CPQ: variants seen among roughly 807,000 people sequenced by gnomAD.
CPQ encodes Ser-Met dipeptidase.
CPQ carries 37 observed loss-of-function variants against 45.7 expected under a neutral mutation model. The ratio of observed to expected loss-of-function variants is 0.81; its 90% confidence interval spans 0.62 to 1.07. CPQ has a LOEUF of 1.07. CPQ is among the 50% of genes least tolerant of loss of function. CPQ has a pLI of 0.00. For missense variants in CPQ, 537 were observed against 572.9 expected, an observed-to-expected ratio of 0.94 and a Z score of 0.64; for synonymous variants, 186 against 205.8, an observed-to-expected ratio of 0.90 and a Z score of 0.82.
chr8:97,018,714 C>T (rs773666170), intron 5 of CPQ, among the ~76,000 whole-genome samples: 1 of 152,104 alleles, frequency 6.6e-6, no homozygotes, highest in Non-Finnish European at 1.5e-5. Flanking sequence ...TAAACAAAGC[C>T]TCCAAGAAGT....
chr8:96,913,657 A>G (rs886812673), intron 4 of CPQ, among the ~76,000 whole-genome samples: 12 of 152,230 alleles, frequency 7.9e-5, no homozygotes, highest in Admixed American at 5.9e-4. Flanking sequence ...TGTGTTTCCC[A>G]TCTCTCAGAA....
intron 1 of CPQ, among the ~76,000 whole-genome samples, chr8:96,738,118 A>G (rs1449664664): frequency 1.3e-5 from 2 of 152,130 alleles, no homozygotes; most frequent in Non-Finnish European, 1.5e-5. Context: ...AAATTTGTCA[A>G]TATCTATTTT....
At chr8:96,973,773 G>A (rs1813723089) in intron 5 of CPQ, among the ~76,000 whole-genome samples, 1 of 152,132 alleles carries the variant, frequency 6.6e-6, no homozygotes, top group African/African-American at 2.4e-5. Flanking sequence ...GCAAAACTAA[G>A]CTTCATAAAT....
chr8:97,118,825 CATAAT>C (rs1811642897), intron 7 of CPQ, among the ~76,000 whole-genome samples: 2 of 151,988 alleles, frequency 1.3e-5, no homozygotes, highest in Non-Finnish European at 2.9e-5. Flanking sequence ...TATATACACA[CATAAT>C]ATATAAACAT....
chr8:97,062,080 C>G (rs1040179416), intron 6 of CPQ, among the ~76,000 whole-genome samples: 2 of 152,166 alleles, frequency 1.3e-5, no homozygotes, highest in Non-Finnish European at 2.9e-5. Context: ...ATGGCATTCA[C>G]AAACTGTGAA....
chr8:97,063,738 C>CT (rs201860598), intron 6 of CPQ, among the ~76,000 whole-genome samples: 17 of 150,904 alleles, frequency 1.1e-4, no homozygotes, highest in South Asian at 4.2e-4. Context: ...TTCCCCATTG[C>CT]TTTTTTTTTG....
At chr8:97,083,667 T>C (rs1456765026) in intron 7 of CPQ, among the ~76,000 whole-genome samples, 5 of 152,166 alleles carry the variant, frequency 3.3e-5, no homozygotes, top group African/African-American at 1.2e-4. Flanking sequence ...TGATTGATTA[T>C]AGGTGATAAG....
At chr8:96,751,468 A>T (rs1216472880) in intron 1 of CPQ, among the ~76,000 whole-genome samples, 1 of 152,074 alleles carries the variant, frequency 6.6e-6, no homozygotes, top group Non-Finnish European at 1.5e-5. Flanking sequence ...TCCCTTGCCC[A>T]CTTTTTAATG....
At chr8:96,744,537 T>C (rs1810149318) in intron 1 of CPQ, among the ~76,000 whole-genome samples, 1 of 152,258 alleles carries the variant, frequency 6.6e-6, no homozygotes, top group East Asian at 1.9e-4. Flanking sequence ...TATATCTTCT[T>C]GATGAATTGA....
In CPQ at chr8:97,029,494, G is replaced by A. The variant is rs1428888301; in HGVS notation, c.1053G>A (p.Lys351=). Residue 351 remains lysine (K), a splice_region_variant and synonymous_variant, in exon 6 of 8, where the codon AAG becomes AAA. Transcript: ENST00000220763. ...CCTTCCAGTATTATCAGTTACACAA[G>A]GTAAAAACCCAGCTGTGGATTGCTA... ...VGAFQYYQLH[K]VNISNYSLVM... is the part of the protein sequence containing the mutation. 6.2e-7 allele frequency: 1 copy of A among 1,600,924 alleles called. No individual in the cohort carries two copies. The highest frequency in any genetic ancestry group is 8.5e-7 in the Non-Finnish European group (1 of 1,172,644).
chr8:96,656,957 G>A (rs990347290), intron 1 of CPQ, among the ~76,000 whole-genome samples: 1 of 151,986 alleles, frequency 6.6e-6, no homozygotes, highest in Admixed American at 6.6e-5. Flanking sequence ...TCAGATGGGA[G>A]TGGGCTTTCT....
At chr8:96,979,211 T>C (rs960298445) in intron 5 of CPQ, among the ~76,000 whole-genome samples, 8 of 152,012 alleles carry the variant, frequency 5.3e-5, no homozygotes, top group Non-Finnish European at 1.5e-5. Flanking sequence ...AAGCTAAAGG[T>C]TGGAGTTGGT....
intron 2 of CPQ, among the ~76,000 whole-genome samples, chr8:96,817,438 C>T (rs1811242798): frequency 6.6e-6 from 1 of 152,076 alleles, no homozygotes; most frequent in South Asian, 2.1e-4. Context: ...AGCTTCCTTA[C>T]TTCTTTCAGC....
At chr8:96,656,361 G>GCT (rs1034404512) in intron 1 of CPQ, among the ~76,000 whole-genome samples, 2 of 152,158 alleles carry the variant, frequency 1.3e-5, no homozygotes, top group Non-Finnish European at 2.9e-5. Flanking sequence ...CACTGGCTGA[G>GCT]CTCTGCTATA....
intron 2 of CPQ, among the ~76,000 whole-genome samples, chr8:96,799,325 A>G (rs1210359500): frequency 3.9e-5 from 6 of 152,230 alleles, no homozygotes; most frequent in Non-Finnish European, 8.8e-5. Context: ...AAGGCTTTCT[A>G]TAGCCAATAA....
At chr8:96,823,556 G>A (rs553257960) in intron 2 of CPQ, among the ~76,000 whole-genome samples, 4 of 152,010 alleles carry the variant, frequency 2.6e-5, no homozygotes, top group East Asian at 3.9e-4. Context: ...TATCTGTAGC[G>A]TTATTTTATT....
chr8:96,836,485 A>G (rs1811532816), intron 3 of CPQ, among the ~76,000 whole-genome samples: 1 of 152,290 alleles, frequency 6.6e-6, no homozygotes, highest in East Asian at 1.9e-4. Flanking sequence ...CGGGGTCTTT[A>G]GAGGTTTCAA....
intron 3 of CPQ, among the ~76,000 whole-genome samples, chr8:96,863,256 C>A (rs1012599933): frequency 6.6e-6 from 1 of 151,844 alleles, no homozygotes; most frequent in Non-Finnish European, 1.5e-5. Context: ...GGATTCAATC[C>A]AGGTGGAGAT....
chr8:97,041,416 C>A (rs978489021), intron 6 of CPQ, among the ~76,000 whole-genome samples: 1 of 152,200 alleles, frequency 6.6e-6, no homozygotes, highest in Admixed American at 6.5e-5. Flanking sequence ...GATATACAAT[C>A]ATATCACCTG....
Sources: gnomAD v4.1 joint callset for allele counts (sites outside exome capture counted in the v4.1 genomes callset) on GRCh38, gnomAD v4.1.1 for gene constraint, MANE v1.5 for transcripts, NCBI Gene and HGNC (gene_info 2026-07-23, HGNC 2026-07-21) for gene names.